Variants in WDFY2 observed in about 807,000 individuals in gnomAD.
WDFY2 encodes the protein WD repeat and FYVE domain containing 2, also known as WD repeat and FYVE domain-containing protein 2.
WDFY2 carries 36 observed loss-of-function variants against 56.4 expected under a neutral mutation model. The observed-to-expected ratio is 0.64, with a 90% confidence interval of 0.49 to 0.84. The LOEUF is 0.84. Among genes scored for constraint, WDFY2 ranks in the 40% least tolerant of loss-of-function variants. The pLI, the probability that WDFY2 is intolerant of heterozygous loss-of-function variation, is 0.00. For synonymous variants in WDFY2, 176 were observed against 183.7 expected (o/e 0.96, Z 0.34); for missense variants, 444 against 512.2 (o/e 0.87, Z 1.29).
At chr13:51,731,963 A>G (rs1255916615) in intron 6 of WDFY2, among the ~76,000 whole-genome samples, 2 of 151,960 alleles carry the variant, frequency 1.3e-5, no homozygotes, top group Non-Finnish European at 2.9e-5. Context: ...AAAGCATAAC[A>G]TTTTTCTAAT....
At chr13:51,692,301 G>C (rs1218973837) in intron 3 of WDFY2, among the ~76,000 whole-genome samples, 2 of 152,132 alleles carry the variant, frequency 1.3e-5, no homozygotes, top group Non-Finnish European at 2.9e-5. Flanking sequence ...TCCAGTTTTT[G>C]CCCATTCAGT....
chr13:51,613,456 A>G (rs1954543689), intron 1 of WDFY2, among the ~76,000 whole-genome samples: 1 of 152,148 alleles, frequency 6.6e-6, no homozygotes, highest in African/African-American at 2.4e-5. Flanking sequence ...CCAGTAGTAG[A>G]GTGGTTAAAT....
intron 4 of WDFY2, among the ~76,000 whole-genome samples, chr13:51,716,886 A>C (rs1952365925): frequency 6.6e-6 from 1 of 152,174 alleles, no homozygotes. Flanking sequence ...TTCAGCATTC[A>C]AAAATCAATG....
intron 2 of WDFY2, among the ~76,000 whole-genome samples, chr13:51,669,482 G>GT (rs577362212): frequency 9.9e-5 from 15 of 151,902 alleles, no homozygotes; most frequent in South Asian, 4.2e-4. Context: ...GCACAGTTTA[G>GT]TTTTTTTTAT....
intron 4 of WDFY2, among the ~76,000 whole-genome samples, chr13:51,713,644 G>A (rs191513464): frequency 1.2e-3 from 180 of 152,096 alleles, no homozygotes; most frequent in East Asian, 5.8e-4. Context: ...AGGCCAAGGC[G>A]GGTGGATCAC....
At chr13:51,707,487 C>CT (rs1237887798) in intron 4 of WDFY2, among the ~76,000 whole-genome samples, 1 of 152,168 alleles carries the variant, frequency 6.6e-6, no homozygotes, top group Non-Finnish European at 1.5e-5. Context: ...GAAGAAAAAA[C>CT]TTCCAACATA....
intron 1 of WDFY2, among the ~76,000 whole-genome samples, chr13:51,647,429 C>T (rs1955283003): frequency 6.6e-6 from 1 of 152,070 alleles, no homozygotes; most frequent in Admixed American, 6.6e-5. Context: ...TGTATCTAAA[C>T]ATAAAAAGCG....
At chr13:51,611,129 G>A (rs1354364385) in intron 1 of WDFY2, among the ~76,000 whole-genome samples, 1 of 152,232 alleles carries the variant, frequency 6.6e-6, no homozygotes, top group Non-Finnish European at 1.5e-5. Flanking sequence ...TACAGTGTAA[G>A]CACCAACAAG....
chr13:51,748,626 CTTT>C (rs915663534), intron 7 of WDFY2, among the ~76,000 whole-genome samples: 12 of 149,262 alleles, frequency 8.0e-5, no homozygotes, highest in African/African-American at 2.5e-4. Context: ...CTCTCTCTCT[CTTT>C]TTTTTTTCTT....
intron 1 of WDFY2, chr13:51,587,180 C>T (rs913129292): frequency 2.0e-5 from 3 of 152,206 alleles, no homozygotes; most frequent in African/African-American, 7.2e-5. Flanking sequence ...CCTGGTTTAT[C>T]TTTTTGACCT....
At chr13:51,723,242 A>G (rs1349563391) in intron 5 of WDFY2, among the ~76,000 whole-genome samples, 2 of 152,230 alleles carry the variant, frequency 1.3e-5, no homozygotes, top group Admixed American at 6.5e-5. Context: ...TTGAAAATAT[A>G]TGGGTTACTT....
At chr13:51,680,319 C>CT (rs1373564174) in intron 3 of WDFY2, among the ~76,000 whole-genome samples, 2 of 152,140 alleles carry the variant, frequency 1.3e-5, no homozygotes, top group African/African-American at 4.8e-5. Context: ...CTGGACTGGT[C>CT]TTTAATTCCT....
intron 1 of WDFY2, among the ~76,000 whole-genome samples, chr13:51,606,174 T>G (rs1013303313): frequency 2.6e-5 from 4 of 152,186 alleles, no homozygotes; most frequent in Admixed American, 6.5e-5. Flanking sequence ...TATGTAAAGC[T>G]CCTAGCACAT....
intron 1 of WDFY2, among the ~76,000 whole-genome samples, chr13:51,637,985 T>C (rs1376301652): frequency 6.6e-6 from 1 of 152,220 alleles, no homozygotes; most frequent in African/African-American, 2.4e-5. Flanking sequence ...TTTCTGCGAA[T>C]GCAGCCCAGC....
chr13:51,661,296 T>C (rs145040264), intron 2 of WDFY2, among the ~76,000 whole-genome samples: 1,620 of 152,260 alleles, frequency 0.011, 25 homozygotes, highest in African/African-American at 0.036. Context: ...GGAAATTTCT[T>C]TTTAGTCTAG....
At chr13:51,618,899 A>G (rs1297267399) in intron 1 of WDFY2, among the ~76,000 whole-genome samples, 1 of 152,240 alleles carries the variant, frequency 6.6e-6, no homozygotes, top group Non-Finnish European at 1.5e-5. Flanking sequence ...GAGAATGGGC[A>G]GTACCACATA....
At chr13:51,622,096 G>A (rs1954740287) in intron 1 of WDFY2, among the ~76,000 whole-genome samples, 1 of 152,208 alleles carries the variant, frequency 6.6e-6, no homozygotes, top group African/African-American at 2.4e-5. Flanking sequence ...CACTGAAATT[G>A]GAGGTCGTTA....
Position 51,584,693 on chromosome 13 carries a change from G to A in WDFY2, c.6G>A (p.Ala2=), listed in dbSNP as rs903167531. The A allele has an allele frequency of 3.1e-6, 5 of 1,611,490 alleles. No individual in the cohort carries two copies. In the Admixed American group the frequency reaches 6.7e-5, roughly 22 times the overall value. M[A]AEIQPKPLTR... is the part of the protein sequence containing the mutation. ...CAGGCGCGCCCCCTCCTCCGATGGC[G>A]GCGGAGATCCAGCCCAAGCCTCTGA... is the stretch of plus-strand genomic sequence containing the variant. Residue 2 remains alanine (A), a synonymous_variant, in exon 1 of 12, where the codon GCG becomes GCA. Transcript: ENST00000298125.
intron 2 of WDFY2, among the ~76,000 whole-genome samples, chr13:51,666,748 C>T (rs1025118487): frequency 7.9e-5 from 12 of 152,024 alleles, no homozygotes; most frequent in African/African-American, 2.9e-4. Context: ...TTAGTCATAA[C>T]TTATTTTTGC....
Sources: gnomAD v4.1 joint callset for allele counts (sites outside exome capture counted in the v4.1 genomes callset) on GRCh38, gnomAD v4.1.1 for gene constraint, MANE v1.5 for transcripts, NCBI Gene and HGNC (gene_info 2026-07-23, HGNC 2026-07-21) for gene names.